The following ITFG1 variants were observed in gnomAD, a reference collection of about 807,000 sequenced individuals.
ITFG1 encodes the protein integrin alpha FG-GAP repeat containing 1.
Under a neutral mutation model 81.8 loss-of-function variants are expected in ITFG1, and 34 were observed. The observed-to-expected ratio is 0.42, with a 90% CI of 0.32 to 0.55. The LOEUF is 0.55. Among genes scored for constraint, ITFG1 ranks in the 20% least tolerant of loss-of-function variants. The probability of loss-of-function intolerance (pLI) is 0.17; values close to 1 mark genes in which losing one functional copy is unlikely to be tolerated. For missense variants in ITFG1, 672 were observed against 755.4 expected (o/e 0.89, Z 1.29); for synonymous variants, 285 against 270.6 (o/e 1.05, Z -0.52).
chr16:47,226,299 T>G (rs575630251), intron 13 of ITFG1, among the ~76,000 whole-genome samples: 1 of 152,330 alleles, frequency 6.6e-6, no homozygotes, highest in East Asian at 1.9e-4. Flanking sequence ...AACCTCCGCC[T>G]CCGGGGTTCA....
intron 7 of ITFG1, among the ~76,000 whole-genome samples, chr16:47,369,760 G>A (rs1293021281): frequency 1.3e-5 from 2 of 150,918 alleles, no homozygotes; most frequent in Admixed American, 6.6e-5. Context: ...TATAGTGATT[G>A]GATCAGGGTT....
intron 2 of ITFG1, among the ~76,000 whole-genome samples, chr16:47,456,197 C>A (rs549417655): frequency 6.6e-6 from 1 of 151,932 alleles, no homozygotes; most frequent in Admixed American, 6.6e-5. Context: ...AGAGAAAGAC[C>A]CTGTCTTTAT....
intron 6 of ITFG1, 134 bp downstream of exon 6, chr16:47,428,670 A>G (rs1478132027): frequency 1.5e-5 from 10 of 658,952 alleles, no homozygotes; most frequent in Non-Finnish European, 2.6e-5. Flanking sequence ...TTTCCAAATC[A>G]CTGACTTTCT....
chr16:47,392,067 G>T (rs752205927), intron 6 of ITFG1, among the ~76,000 whole-genome samples: 1 of 152,148 alleles, frequency 6.6e-6, no homozygotes, highest in South Asian at 2.1e-4. Context: ...TGTCCATGTG[G>T]GAGGGGTGTT....
intron 6 of ITFG1, among the ~76,000 whole-genome samples, chr16:47,403,748 T>C (rs1293502765): frequency 6.8e-6 from 1 of 146,362 alleles, no homozygotes; most frequent in African/African-American, 2.6e-5. Flanking sequence ...AAGTTGATTT[T>C]GATCTCTCTT....
intron 13 of ITFG1, among the ~76,000 whole-genome samples, chr16:47,225,598 C>T (rs894712108): frequency 6.6e-6 from 1 of 152,114 alleles, no homozygotes; most frequent in Non-Finnish European, 1.5e-5. Context: ...ATTAACAGCT[C>T]AATTCTCATC....
At chr16:47,455,456 C>T (rs1969439404) in intron 2 of ITFG1, among the ~76,000 whole-genome samples, 1 of 151,140 alleles carries the variant, frequency 6.6e-6, no homozygotes, top group African/African-American at 2.4e-5. Context: ...AAAGAAAAAC[C>T]TCGGAAATTA....
chr16:47,267,958 C>A (rs552367678), intron 10 of ITFG1, among the ~76,000 whole-genome samples: 1 of 151,616 alleles, frequency 6.6e-6, no homozygotes, highest in African/African-American at 2.4e-5. Flanking sequence ...AAACAAATGA[C>A]CTCAGTTACC....
intron 6 of ITFG1, among the ~76,000 whole-genome samples, chr16:47,424,780 T>A (rs938907534): frequency 1.3e-5 from 2 of 152,182 alleles, no homozygotes; most frequent in Non-Finnish European, 2.9e-5. Flanking sequence ...GAACAGCAAA[T>A]ATTGCTGCCT....
At chr16:47,231,402 AG>A (rs1382418064) in intron 13 of ITFG1, among the ~76,000 whole-genome samples, 1 of 152,252 alleles carries the variant, frequency 6.6e-6, no homozygotes, top group African/African-American at 2.4e-5. Flanking sequence ...GGATATTTGA[AG>A]GAAAAAAAAA....
chr16:47,374,573 C>A (rs1049117937), intron 7 of ITFG1, among the ~76,000 whole-genome samples: 2 of 152,128 alleles, frequency 1.3e-5, no homozygotes, highest in Non-Finnish European at 2.9e-5. Flanking sequence ...AGAAGATTCA[C>A]TTGTGGTAGC....
At chr16:47,443,482 A>G (rs1445488059) in intron 5 of ITFG1, among the ~76,000 whole-genome samples, 1 of 152,206 alleles carries the variant, frequency 6.6e-6, no homozygotes, top group African/African-American at 2.4e-5. Context: ...ACAATAGCAA[A>G]GAGTTGGAAA....
chr16:47,236,598 A>G (rs1212762960), intron 13 of ITFG1, among the ~76,000 whole-genome samples: 1 of 152,110 alleles, frequency 6.6e-6, no homozygotes, highest in Admixed American at 6.5e-5. Flanking sequence ...AAGTTATTAC[A>G]TGGCCACCAT....
At chr16:47,200,445 C>A in intron 14 of ITFG1, among the ~76,000 whole-genome samples, 1 of 152,230 alleles carries the variant, frequency 6.6e-6, no homozygotes, top group Non-Finnish European at 1.5e-5. Flanking sequence ...CAGATATTAA[C>A]AAAAGTGATG....
rs1169532770 is a variant in ITFG1 at position 47,201,856 on chromosome 16, A to AGG, written c.1453+17010_1453+17011dup. Reference sequence around the variant, plus strand: ...ATTGTTTATCTTTGTATCCTCATCAAGGGGTCTGGCACAATACCATATATA... The same window carrying AGG: ...ATTGTTTATCTTTGTATCCTCATCAAGGGGGGTCTGGCACAATACCATATATA... On this transcript the variant is annotated intron_variant, in intron 14 of 17. Coordinates refer to ENST00000320640, the MANE Select transcript of ITFG1 (RefSeq NM_030790.5). 2.6e-5 allele frequency among the ~76,000 whole-genome samples: 4 copies of AGG among 152,308 alleles called. No individual in the cohort carries two copies. In the East Asian group the frequency reaches 7.7e-4, roughly 29 times the overall value.
intron 10 of ITFG1, among the ~76,000 whole-genome samples, chr16:47,272,192 T>A (rs1324204295): frequency 6.6e-6 from 1 of 152,198 alleles, no homozygotes; most frequent in Non-Finnish European, 1.5e-5. Flanking sequence ...ATATACAAGA[T>A]GTTCAGAACA....
At chr16:47,401,952 C>G (rs1968666686) in intron 6 of ITFG1, among the ~76,000 whole-genome samples, 1 of 152,224 alleles carries the variant, frequency 6.6e-6, no homozygotes, top group Non-Finnish European at 1.5e-5. Context: ...TATTCTTTCA[C>G]AGAGCCCCTT....
At chr16:47,372,070 A>G (rs991963960) in intron 7 of ITFG1, among the ~76,000 whole-genome samples, 3 of 151,990 alleles carry the variant, frequency 2.0e-5, no homozygotes, top group Non-Finnish European at 4.4e-5. Flanking sequence ...CCGCCACCGC[A>G]CCCAGCTAAT....
At chr16:47,157,788 C>G (rs1301778524) in intron 17 of ITFG1, among the ~76,000 whole-genome samples, 1 of 152,010 alleles carries the variant, frequency 6.6e-6, no homozygotes, top group Non-Finnish European at 1.5e-5. Context: ...CACGGTAATT[C>G]TAGCAAAAAA....
Sources: allele counts gnomAD v4.1 joint callset (sites outside exome capture counted in the v4.1 genomes callset), GRCh38; gene constraint gnomAD v4.1.1; transcripts MANE v1.5; gene names NCBI Gene and HGNC (gene_info 2026-07-23, HGNC 2026-07-21).